Variants in NLGN4X observed in about 807,000 individuals in gnomAD.
NLGN4X encodes neuroligin 4 X-linked, also known as neuroligin-4, X-linked.
Under a neutral mutation model 40.3 loss-of-function variants are expected in NLGN4X, and 3 were observed. That is an observed-to-expected ratio of 0.07 (90% CI 0.03 to 0.19). The LOEUF is 0.19. NLGN4X is among the 10% of genes least tolerant of loss of function. The pLI, the probability that NLGN4X is intolerant of heterozygous loss-of-function variation, is 1.00. For missense variants in NLGN4X, 382 were observed against 708.3 expected (o/e 0.54, Z 5.23); for synonymous variants, 270 against 306.8 (o/e 0.88, Z 1.25).
At chrX:6,058,624 T>C (rs1388344891) in intron 2 of NLGN4X, among the ~76,000 whole-genome samples, 1 of 112,038 alleles carries the variant, frequency 8.9e-6, no homozygotes, top group African/African-American at 3.2e-5. Flanking sequence ...TACAATGTTA[T>C]ATTTAAAAAT....
At chrX:5,946,993 C>A (rs900170913) in intron 3 of NLGN4X, among the ~76,000 whole-genome samples, 1 of 111,768 alleles carries the variant, frequency 8.9e-6, no homozygotes, top group Non-Finnish European at 1.9e-5. Context: ...ATTCATGTTC[C>A]TGCAAAAGAC....
intron 3 of NLGN4X, among the ~76,000 whole-genome samples, chrX:5,955,291 G>A (rs1217877639): frequency 1.8e-5 from 2 of 111,909 alleles, no homozygotes; most frequent in African/African-American, 3.2e-5. Context: ...AGTAGCTGAC[G>A]TGTCAGGTAA....
In NLGN4X at chrX:5,892,257, C is replaced by G. The variant is rs1472297891; in HGVS notation, c.*560G>C. 1 of 135,630 alleles carries G rather than the reference C, an allele frequency of 7.4e-6. No homozygotes were observed. The highest frequency in any genetic ancestry group is 3.2e-5 in the African/African-American group (1 of 31,022). The allele number at this position is 135,630 out of a possible 1,213,427, so 11.2% of individuals were successfully genotyped here. ...GGCAAAACACCTCTTTGCACAGAACCGTACAGATTTCGCTGCACAGTCCAT... is the reference window on the plus strand; with the variant it reads ...GGCAAAACACCTCTTTGCACAGAACGGTACAGATTTCGCTGCACAGTCCAT... On this transcript the variant is annotated 3_prime_UTR_variant, in exon 6 of 6. Transcript: ENST00000381095.
intron 3 of NLGN4X, among the ~76,000 whole-genome samples, chrX:6,018,098 G>A (rs2036437501): frequency 9.0e-6 from 1 of 110,813 alleles, no homozygotes; most frequent in Non-Finnish European, 1.9e-5. Flanking sequence ...ATAGATCTGT[G>A]TGTGCATCAC....
At position 6,018,230 on chromosome X, in the gene NLGN4X, T is replaced by C. The variant is rs562289930; in HGVS notation, c.625+11050A>G. ...GCACCCACACCCACATATATACACA[T>C]ATATGCGCTATATATGTGTATATAT... On this transcript the variant is annotated intron_variant, in intron 3 of 5. Coordinates refer to ENST00000381095, the MANE Select transcript of NLGN4X (RefSeq NM_181332.3). Among the ~76,000 whole-genome samples the C allele has an allele frequency of 1.1e-4, 12 of 111,164 alleles. No homozygotes were observed. In the South Asian group the frequency reaches 4.2e-3, roughly 39 times the overall value.
chrX:5,957,837 T>G (rs905871511), intron 3 of NLGN4X, among the ~76,000 whole-genome samples: 14 of 112,238 alleles, frequency 1.2e-4, no homozygotes, highest in Non-Finnish European at 1.5e-4. Context: ...TAACATAAAT[T>G]TACCCAGTAT....
At chrX:6,082,948 GTTTTTTTCTTTTT>G (rs2038393606) in intron 2 of NLGN4X, among the ~76,000 whole-genome samples, 1 of 70,377 alleles carries the variant, frequency 1.4e-5, no homozygotes, top group African/African-American at 4.8e-5. Flanking sequence ...GCCATGATGC[GTTTTTTTCTTTTT>G]TTTTTTTTTT....
intron 2 of NLGN4X, among the ~76,000 whole-genome samples, chrX:6,033,947 G>A (rs2036935785): frequency 8.9e-6 from 1 of 112,342 alleles, no homozygotes; most frequent in Non-Finnish European, 1.9e-5. Context: ...TAGGGTTCTA[G>A]GATAAGCGGA....
chrX:5,914,064 A>G (rs947984411), intron 3 of NLGN4X, among the ~76,000 whole-genome samples: 1 of 111,972 alleles, frequency 8.9e-6, no homozygotes, highest in Admixed American at 9.5e-5. Flanking sequence ...ACCCAGTCTC[A>G]GGTATGTCTT....
At chrX:5,956,277 TTATATC>T (rs1397963025) in intron 3 of NLGN4X, among the ~76,000 whole-genome samples, 1 of 109,540 alleles carries the variant, frequency 9.1e-6, no homozygotes, top group African/African-American at 3.3e-5. Context: ...ATATTTATAT[TTATATC>T]TATATTTGCC....
rs746858063 is a variant in NLGN4X at position 6,151,217 on chromosome X, C to T, written c.250G>A (p.Gly84Arg). ...TCTGGGGGCTGAAACCGCCTCTCTC[C>T]AGTGGGGGGTGAGGCATAGGGGACC... The part of the protein sequence containing the change: ...LGVPYASPPT[G>R]ERRFQPPEPP... Residue 84 changes from glycine (G) to arginine (R), a missense_variant, in exon 2 of 6, where the codon GGA (glycine) becomes AGA (arginine). Around this residue, in one of 5 missense-constraint regions of NLGN4X, gnomAD observed 115 missense variants for 149.6 expected, o/e 0.77. Transcript: ENST00000381095. 5 of 1,209,279 alleles carry T rather than the reference C, an allele frequency of 4.1e-6. No homozygotes were observed. The East Asian group carries it at 1.5e-4, about 36-fold the overall frequency.
At chrX:5,961,804 C>A (rs2034671668) in intron 3 of NLGN4X, among the ~76,000 whole-genome samples, 1 of 111,980 alleles carries the variant, frequency 8.9e-6, no homozygotes, top group Non-Finnish European at 1.9e-5. Context: ...TTTTTGCGAA[C>A]CCCTGAGGTA....
At chrX:6,219,833 C>T (rs1381552329) in intron 1 of NLGN4X, among the ~76,000 whole-genome samples, 1 of 111,963 alleles carries the variant, frequency 8.9e-6, no homozygotes, top group African/African-American at 3.2e-5. Flanking sequence ...GAAGCATGTT[C>T]ATGACAATTT....
At chrX:6,002,390 C>T (rs1002159735) in intron 3 of NLGN4X, among the ~76,000 whole-genome samples, 5 of 112,027 alleles carry the variant, frequency 4.5e-5, no homozygotes, top group African/African-American at 1.6e-4. Context: ...CTTGGGGCAG[C>T]ACTCTCTCAG....
intron 3 of NLGN4X, among the ~76,000 whole-genome samples, chrX:5,943,399 T>C (rs768459257): frequency 8.9e-6 from 1 of 111,768 alleles, no homozygotes; most frequent in South Asian, 3.8e-4. Flanking sequence ...TGGGTGATGA[T>C]GAAGAGAAAC....
intron 1 of NLGN4X, among the ~76,000 whole-genome samples, chrX:6,208,765 C>T (rs978099500): frequency 3.6e-5 from 4 of 111,713 alleles, no homozygotes; most frequent in African/African-American, 1.3e-4. Context: ...GAAGGGAATC[C>T]ACATACACTG....
intron 2 of NLGN4X, among the ~76,000 whole-genome samples, chrX:6,068,386 G>A (rs1264983655): frequency 2.7e-5 from 3 of 110,794 alleles, no homozygotes; most frequent in Admixed American, 9.6e-5. Context: ...GAGGGAGAGG[G>A]TGCAAGATGT....
chrX:5,991,441 G>A, intron 3 of NLGN4X: 2 of 519,206 alleles, frequency 3.9e-6, no homozygotes, highest in Non-Finnish European at 7.1e-6. Flanking sequence ...TCTGAAAGGG[G>A]ATGCTGACTT....
At chrX:5,938,373 C>T (rs1006372243) in intron 3 of NLGN4X, among the ~76,000 whole-genome samples, 1 of 108,603 alleles carries the variant, frequency 9.2e-6, no homozygotes, top group Non-Finnish European at 1.9e-5. Context: ...GGCCATGGGT[C>T]GGAGAATTTG....
Sources: gnomAD v4.1 joint callset for allele counts (sites outside exome capture counted in the v4.1 genomes callset) on GRCh38, gnomAD v4.1.1 for gene constraint, gnomAD v4.1.1 regional missense constraint, MANE v1.5 for transcripts, NCBI Gene and HGNC (gene_info 2026-07-23, HGNC 2026-07-21) for gene names.